BICDL1: variants seen among roughly 807,000 people sequenced by gnomAD.
BICDL1 encodes BICD family-like cargo adapter 1.
BICDL1 carries 20 observed loss-of-function variants against 76.8 expected under a neutral mutation model. The observed-to-expected ratio is 0.26, with a 90% CI of 0.18 to 0.38. BICDL1 has a LOEUF of 0.38. BICDL1 is among the 10% of genes least tolerant of loss of function. The pLI is 1.00. For missense variants in BICDL1, 700 were observed against 798.6 expected (o/e 0.88, Z 1.49); for synonymous variants, 383 against 337.1 (o/e 1.14, Z -1.49).
intron 2 of BICDL1, among the ~76,000 whole-genome samples, 160 bp downstream of exon 2, chr12:119,998,896 GT>G (rs1951704519): frequency 6.6e-6 from 1 of 151,966 alleles, no homozygotes; most frequent in African/African-American, 2.4e-5. Context: ...CTCTACAAAA[GT>G]TTTTTAAAAA....
rs1342744711 is a variant in BICDL1 at position 119,989,899 on chromosome 12, C to T, written c.31C>T (p.Arg11Cys). The change falls in exon 1 of 10, where the codon CGC becomes TGC. Residue 11 changes from arginine to cysteine, a missense_variant. Arg to Cys is a radical substitution (Grantham distance 180). This residue lies in a region of BICDL1 where 225 missense variants were observed against 199.6 expected (regional missense o/e 1.13). Transcript: ENST00000548673. Reference sequence around the variant, plus strand: ...CGCTTTCTGCCTGGGCTTGGTCGGCCGCGCTTCAGCACCCGCCGAGCCGGA... The same window carrying T: ...CGCTTTCTGCCTGGGCTTGGTCGGCTGCGCTTCAGCACCCGCCGAGCCGGA... MSAFCLGLVG[R>C]ASAPAEPDSA... 9.7e-6 allele frequency: 14 copies of T among 1,443,202 alleles called. No homozygotes were observed. The highest frequency in any genetic ancestry group is 2.9e-5 in the Admixed American group (1 of 35,002). The allele number at this position is 1,443,202 out of a possible 1,614,324, so 89.4% of individuals were successfully genotyped here. A position where few individuals can be genotyped will look rare whatever the true frequency, so the allele number is the denominator to read the frequency against.
intron 5 of BICDL1, 48 bp from the exon 6 acceptor site, chr12:120,072,463 G>T (rs967441077): frequency 3.7e-5 from 58 of 1,557,190 alleles, no homozygotes; most frequent in Middle Eastern, 3.3e-4. Flanking sequence ...TGGCCAGGTA[G>T]CAGTCTTCTC....
At chr12:120,023,527 G>T (rs1007511690) in intron 2 of BICDL1, among the ~76,000 whole-genome samples, 3 of 152,206 alleles carry the variant, frequency 2.0e-5, no homozygotes, top group Non-Finnish European at 2.9e-5. Flanking sequence ...AGTGGCTCAT[G>T]CCTGTAATCC....
At chr12:120,060,075 C>G (rs1036858560) in intron 2 of BICDL1, among the ~76,000 whole-genome samples, 1 of 152,178 alleles carries the variant, frequency 6.6e-6, no homozygotes, top group Non-Finnish European at 1.5e-5. Flanking sequence ...CCTTCAGTTT[C>G]CTGAGCCGAT....
In BICDL1 at chr12:120,040,159, G is replaced by A. The variant is rs67147305; in HGVS notation, c.646-21551G>A. On this transcript the variant is annotated intron_variant, in intron 2 of 9. Transcript: ENST00000548673. The stretch of plus-strand genomic sequence containing the variant: ...ATTCTGTCACCCACACTGGAGTGCA[G>A]TGGTGCAATTTCTGCTCACTGCAGC... Among the ~76,000 whole-genome samples the A allele has an allele frequency of 8.8e-3, 1,331 of 151,988 alleles. 13 individuals carry two copies. Among genetic ancestry groups the A allele is most frequent in the Non-Finnish European group, 0.011 (760 of 67,984 alleles).
At chr12:120,050,247 C>G (rs1251106744) in intron 2 of BICDL1, among the ~76,000 whole-genome samples, 1 of 150,802 alleles carries the variant, frequency 6.6e-6, no homozygotes, top group Non-Finnish European at 1.5e-5. Flanking sequence ...CTTTATAGAT[C>G]TATTCTCTTT....
intron 8 of BICDL1, among the ~76,000 whole-genome samples, chr12:120,082,943 A>C (rs1874107993): frequency 6.6e-6 from 1 of 151,770 alleles, no homozygotes; most frequent in Non-Finnish European, 1.5e-5. Flanking sequence ...GCTCACTGCA[A>C]CCTCCGCCTC....
At chr12:120,013,638 T>A (rs2138677050) in intron 2 of BICDL1, among the ~76,000 whole-genome samples, 1 of 152,148 alleles carries the variant, frequency 6.6e-6, no homozygotes, top group Non-Finnish European at 1.5e-5. Context: ...ATTTTTGTAT[T>A]TTTAGTAGAG....
chr12:120,081,349 C>CTTTTTTT (rs1184204926), intron 8 of BICDL1, among the ~76,000 whole-genome samples: 1 of 116,964 alleles, frequency 8.5e-6, no homozygotes, highest in Non-Finnish European at 1.7e-5. Flanking sequence ...AAGAGCTTTC[C>CTTTTTTT]TTTTTTTTTT....
intron 7 of BICDL1, among the ~76,000 whole-genome samples, chr12:120,080,237 C>T (rs951915264): frequency 2.6e-5 from 4 of 152,242 alleles, no homozygotes; most frequent in Non-Finnish European, 5.9e-5. Context: ...CAAAGGTTGA[C>T]TCCCAGCTGG....
chr12:120,048,662 G>A (rs1034126340), intron 2 of BICDL1, among the ~76,000 whole-genome samples: 2 of 152,118 alleles, frequency 1.3e-5, no homozygotes, highest in African/African-American at 4.8e-5. Flanking sequence ...CCTCATCTGT[G>A]TAATGAAGGA....
At chr12:120,055,814 A>G (rs887950447) in intron 2 of BICDL1, among the ~76,000 whole-genome samples, 9 of 152,228 alleles carry the variant, frequency 5.9e-5, no homozygotes, top group Non-Finnish European at 1.2e-4. Context: ...CATCAGGTGT[A>G]TTTGTACTGT....
intron 8 of BICDL1, among the ~76,000 whole-genome samples, chr12:120,089,400 T>A (rs1874762399): frequency 1.3e-5 from 2 of 151,862 alleles, no homozygotes; most frequent in Admixed American, 6.6e-5. Context: ...GGTGTGTGTG[T>A]GTGTGACGGA....
At chr12:120,005,758 T>A (rs1951839158) in intron 2 of BICDL1, among the ~76,000 whole-genome samples, 1 of 152,214 alleles carries the variant, frequency 6.6e-6, no homozygotes, top group Non-Finnish European at 1.5e-5. Context: ...TTTAAATGGT[T>A]GTATATAGTA....
chr12:120,045,018 A>T (rs1952717875), intron 2 of BICDL1, among the ~76,000 whole-genome samples: 2 of 152,292 alleles, frequency 1.3e-5, no homozygotes, highest in South Asian at 4.1e-4. Context: ...TTCGCAACCT[A>T]CTCATCTGAC....
intron 5 of BICDL1, among the ~76,000 whole-genome samples, chr12:120,072,021 T>C (rs1873143467): frequency 6.6e-6 from 1 of 152,206 alleles, no homozygotes. Flanking sequence ...TTGAGCAGAA[T>C]TGCTAGAGGA....
chr12:120,070,795 A>G (rs1312058013), intron 4 of BICDL1, among the ~76,000 whole-genome samples: 4 of 150,240 alleles, frequency 2.7e-5, no homozygotes, highest in Non-Finnish European at 5.9e-5. Context: ...GCAATGGCGC[A>G]ATCTCGGCTC....
At chr12:120,043,522 C>G in intron 2 of BICDL1, among the ~76,000 whole-genome samples, 1 of 152,150 alleles carries the variant, frequency 6.6e-6, no homozygotes, top group East Asian at 1.9e-4. Flanking sequence ...GGTAGAAACA[C>G]CGAGCAGCAA....
At chr12:120,062,974 A>G (rs1953138432) in intron 3 of BICDL1, among the ~76,000 whole-genome samples, 1 of 152,126 alleles carries the variant, frequency 6.6e-6, no homozygotes, top group Admixed American at 6.5e-5. Flanking sequence ...TTCAGGGTGT[A>G]TAGCGCTGGG....
Sources: allele counts gnomAD v4.1 joint callset (sites outside exome capture counted in the v4.1 genomes callset), GRCh38; gene constraint gnomAD v4.1.1; regional missense constraint gnomAD v4.1.1; transcripts MANE v1.5; gene names NCBI Gene and HGNC (gene_info 2026-07-23, HGNC 2026-07-21).